Variants in CBFA2T2 observed in about 807,000 individuals in gnomAD.
CBFA2T2 encodes CBFA2/RUNX1 partner transcriptional co-repressor 2, also known as protein CBFA2T2.
In CBFA2T2, 11 loss-of-function variants were observed where a neutral mutation model predicts 62.2. That is an observed-to-expected ratio of 0.18 (90% CI 0.11 to 0.29). The LOEUF is 0.29. Ranked by LOEUF, CBFA2T2 falls within the 10% of genes least tolerant of loss-of-function variation. The probability of loss-of-function intolerance (pLI) is 1.00; values close to 1 mark genes in which losing one functional copy is unlikely to be tolerated. For missense variants in CBFA2T2, 592 were observed against 774.1 expected (o/e 0.76, Z 2.79); for synonymous variants, 295 against 287.5 (o/e 1.03, Z -0.27).
intron 4 of CBFA2T2, 109 bp downstream of exon 4, chr20:33,619,715 AT>A: frequency 1.4e-6 from 1 of 733,024 alleles, no homozygotes; most frequent in Non-Finnish European, 2.2e-6. Flanking sequence ...TTAGATCTTT[AT>A]TTTGGGCTGG....
chr20:33,514,202 C>CTT (rs1226244848), intron 1 of CBFA2T2, among the ~76,000 whole-genome samples: 21 of 80,226 alleles, frequency 2.6e-4, no homozygotes, highest in Admixed American at 9.7e-4. Flanking sequence ...CGTGCCCTGC[C>CTT]TTTGTTTTTT....
chr20:33,502,275 C>T (rs1215102419), intron 1 of CBFA2T2, among the ~76,000 whole-genome samples: 1 of 152,122 alleles, frequency 6.6e-6, no homozygotes, highest in Non-Finnish European at 1.5e-5. Context: ...TCACATTGTT[C>T]CAGATTTGGC....
intron 1 of CBFA2T2, among the ~76,000 whole-genome samples, chr20:33,500,018 G>A (rs1470342584): frequency 3.3e-5 from 5 of 151,824 alleles, no homozygotes; most frequent in Non-Finnish European, 7.4e-5. Context: ...GAGTGCAGTG[G>A]TGTGATCTTG....
intron 1 of CBFA2T2, among the ~76,000 whole-genome samples, chr20:33,579,813 CTCTCT>C (rs1319747275): frequency 3.0e-4 from 36 of 119,012 alleles, no homozygotes; most frequent in Middle Eastern, 4.3e-3. Context: ...CTCTCTCTCT[CTCTCT>C]TTTTTTTTTT....
chr20:33,512,106 G>C (rs138391207), intron 1 of CBFA2T2, among the ~76,000 whole-genome samples: 2,608 of 152,124 alleles, frequency 0.017, 68 homozygotes, highest in African/African-American at 0.06. Context: ...GAACCCGGGA[G>C]GGGGAGGTTG....
chr20:33,494,232 C>CGCAT (rs1319088292), intron 1 of CBFA2T2, among the ~76,000 whole-genome samples: 1 of 60,024 alleles, frequency 1.7e-5, no homozygotes, highest in Non-Finnish European at 3.2e-5. Flanking sequence ...ATGTATTAGG[C>CGCAT]ATATATATGT....
At chr20:33,537,753 T>C (rs1454135241) in intron 1 of CBFA2T2, among the ~76,000 whole-genome samples, 1 of 152,230 alleles carries the variant, frequency 6.6e-6, no homozygotes, top group Non-Finnish European at 1.5e-5. Context: ...GAAAGGACTA[T>C]CATTCCTCTA....
chr20:33,538,486 C>T (rs560424449), intron 1 of CBFA2T2, among the ~76,000 whole-genome samples: 1 of 152,248 alleles, frequency 6.6e-6, no homozygotes, highest in African/African-American at 2.4e-5. Context: ...ATTCTACTGC[C>T]TCAGCTTCCT....
At chr20:33,563,351 C>G (rs988449900) in intron 1 of CBFA2T2, among the ~76,000 whole-genome samples, 1 of 151,870 alleles carries the variant, frequency 6.6e-6, no homozygotes, top group Non-Finnish European at 1.5e-5. Flanking sequence ...GTTTGTGATG[C>G]CTATTTTAGA....
At chr20:33,642,105 C>CTTTTT (rs576434212) in intron 10 of CBFA2T2, among the ~76,000 whole-genome samples, 2 of 73,922 alleles carry the variant, frequency 2.7e-5, no homozygotes, top group African/African-American at 4.9e-5. Context: ...CCTCCTTTGT[C>CTTTTT]TTTTTTTTTT....
At chr20:33,597,393 C>T (rs2122258012) in intron 1 of CBFA2T2, among the ~76,000 whole-genome samples, 1 of 152,290 alleles carries the variant, frequency 6.6e-6, no homozygotes, top group Admixed American at 6.5e-5. Context: ...CTGCATTCCA[C>T]TACCTGGGGG....
rs114790703 is a variant in CBFA2T2, at chr20:33,606,118, C to G, written c.35-838C>G. Among the ~76,000 whole-genome samples the G allele has an allele frequency of 5.5e-3, 839 of 152,252 alleles. 7 individuals carry two copies. Among genetic ancestry groups the G allele is most frequent in the African/African-American group, 0.019 (807 of 41,556 alleles). ...ACAGGCATGAGCCACCGTGCCCAGC[C>G]TATTAATATTGATTTATATATAACT... On this transcript the variant is annotated intron_variant, in intron 1 of 10. Coordinates refer to ENST00000342704, the MANE Select transcript of CBFA2T2 (RefSeq NM_001032999.3).
At chr20:33,600,354 G>A (rs1218065212) in intron 1 of CBFA2T2, 1 of 237,908 alleles carries the variant, frequency 4.2e-6, no homozygotes, top group Admixed American at 5.6e-5. Flanking sequence ...ACCATGCCCA[G>A]CTAATTTTTG....
chr20:33,557,154 A>T (rs759931217), intron 1 of CBFA2T2, among the ~76,000 whole-genome samples: 5 of 151,352 alleles, frequency 3.3e-5, no homozygotes, highest in Non-Finnish European at 7.4e-5. Flanking sequence ...AGCTTGGATT[A>T]CAGGTGCCTA....
At chr20:33,492,415 T>TAAA (rs199700102) in intron 1 of CBFA2T2, among the ~76,000 whole-genome samples, 4 of 146,384 alleles carry the variant, frequency 2.7e-5, no homozygotes, top group East Asian at 2.1e-4. Context: ...TGCTTTCACT[T>TAAA]AAAAAAAAAA....
rs201946065 is a variant in CBFA2T2 at position 33,644,524 on chromosome 20, G to A, written c.1666G>A (p.Gly556Ser). 1.6e-5 allele frequency: 26 copies of A among 1,614,048 alleles called. No homozygotes were observed. In the Middle Eastern group the frequency reaches 5.0e-4, roughly 31 times the overall value. Residue 556 changes from glycine (G) to serine (S), a missense_variant, in exon 11 of 11, where the codon GGC (glycine) becomes AGC (serine). Physicochemically the swap from Gly to Ser is moderately conservative, Grantham distance 56 (BLOSUM62 0). This residue lies in a region of CBFA2T2 where 85 missense variants were observed against 99.0 expected (regional missense o/e 0.86). Coordinates refer to ENST00000342704, the MANE Select transcript of CBFA2T2 (RefSeq NM_001032999.3). The part of the protein sequence containing the change: ...QGRPLLPVGR[G>S]SSARSADCSV... ...CCGGCCGCTGCTTCCTGTAGGCAGGGGCTCCTCTGCCAGGTCCGCCGACTG... is the reference window on the plus strand; with the variant it reads ...CCGGCCGCTGCTTCCTGTAGGCAGGAGCTCCTCTGCCAGGTCCGCCGACTG...
rs1302564286 is a variant in CBFA2T2, at chr20:33,529,127, G to A, written c.34+38826G>A. Reference sequence around the variant, plus strand: ...TGCAAGCTCCGCCTACCGGGTTTACGCCATTCTCCTGCCTCAGCCTCCCGA... The same window carrying A: ...TGCAAGCTCCGCCTACCGGGTTTACACCATTCTCCTGCCTCAGCCTCCCGA... On this transcript the variant is annotated intron_variant, in intron 1 of 10. Coordinates refer to ENST00000342704, the MANE Select transcript of CBFA2T2 (RefSeq NM_001032999.3). 2.0e-5 allele frequency among the ~76,000 whole-genome samples: 3 copies of A among 152,018 alleles called. No individual in the cohort carries two copies. In the South Asian group the frequency reaches 6.2e-4, roughly 31 times the overall value.
intron 1 of CBFA2T2, among the ~76,000 whole-genome samples, chr20:33,559,082 CAATT>C (rs147419856): frequency 0.1 from 15,524 of 150,904 alleles, 2,119 homozygotes; most frequent in African/African-American, 0.3. Context: ...GATAAGTAAT[CAATT>C]AGTTTTTTTA....
chr20:33,605,825 A>ATT (rs200922863), intron 1 of CBFA2T2, among the ~76,000 whole-genome samples: 9 of 144,780 alleles, frequency 6.2e-5, no homozygotes, highest in African/African-American at 2.3e-4. Flanking sequence ...ATTAATGGTG[A>ATT]TTTTTTTTTT....
Sources: gnomAD v4.1 joint callset for allele counts (sites outside exome capture counted in the v4.1 genomes callset) on GRCh38, gnomAD v4.1.1 for gene constraint, gnomAD v4.1.1 regional missense constraint, MANE v1.5 for transcripts, NCBI Gene and HGNC (gene_info 2026-07-23, HGNC 2026-07-21) for gene names.